SIPA1L3: variants seen among roughly 807,000 people sequenced by gnomAD.
The protein encoded by SIPA1L3 is signal induced proliferation associated 1 like 3, also known as signal-induced proliferation-associated 1-like protein 3.
SIPA1L3 carries 59 observed loss-of-function variants against 150.1 expected under a neutral mutation model. That is an observed-to-expected ratio of 0.39 (90% CI 0.32 to 0.49). The LOEUF is 0.49. SIPA1L3 is among the 20% of genes least tolerant of loss of function. The pLI, the probability that SIPA1L3 is intolerant of heterozygous loss-of-function variation, is 0.86. For missense variants in SIPA1L3, 2,211 were observed against 2,489.5 expected, an observed-to-expected ratio of 0.89 and a Z score of 2.38; for synonymous variants, 1,070 against 1,077.6, an observed-to-expected ratio of 0.99 and a Z score of 0.14.
intron 1 of SIPA1L3, among the ~76,000 whole-genome samples, chr19:37,997,568 T>TAAAAA (rs71177495): frequency 1.2e-5 from 1 of 83,864 alleles, no homozygotes; most frequent in Admixed American, 1.6e-4. Context: ...ACTGTCTCAT[T>TAAAAA]AAAAAAAAAA....
In SIPA1L3 at chr19:38,082,670, A is replaced by T. The variant is rs373283953; in HGVS notation, c.1105A>T (p.Thr369Ser). ...RVSVSQRRNTTTGASAASAAS... is the reference protein window; with the variant it reads ...RVSVSQRRNTSTGASAASAAS... The stretch of plus-strand genomic sequence containing the variant: ...GTCGGTGTCGCAGCGGCGGAACACC[A>T]CCACGGGTGCTTCGGCCGCTTCCGC... The change falls in exon 3 of 22, where the codon ACC becomes TCC. Residue 369 changes from threonine to serine, a missense_variant. Physicochemically the swap from Thr to Ser is moderately conservative, Grantham distance 58 (BLOSUM62 1). Coordinates refer to ENST00000222345, the MANE Select transcript of SIPA1L3 (RefSeq NM_015073.3). The T allele has an allele frequency of 6.3e-5, 102 of 1,608,320 alleles. No individual in the cohort carries two copies. The highest frequency in any genetic ancestry group is 7.9e-5 in the Non-Finnish European group (93 of 1,179,158).
At position 38,106,625 on chromosome 19, in the gene SIPA1L3, C is replaced by T. The variant is rs1970629564; in HGVS notation, c.2118C>T (p.Pro706=). The change falls in exon 7 of 22, where the codon CCC becomes CCT. Residue 706 remains proline, a synonymous_variant. Transcript: ENST00000222345. ...TCTCCACCCTGCTCCCTTACACCCCCAACAACAGGCAGCAGGTCAGTGATT... is the reference window on the plus strand; with the variant it reads ...TCTCCACCCTGCTCCCTTACACCCCTAACAACAGGCAGCAGGTCAGTGATT... ...FHVSTLLPYT[P]NNRQQLLRKR... 1.2e-6 allele frequency: 2 copies of T among 1,611,700 alleles called. No individual in the cohort carries two copies. The highest frequency in any genetic ancestry group is 1.3e-5 in the African/African-American group (1 of 74,882).
In SIPA1L3 at chr19:38,141,265, C is replaced by A; in HGVS notation, c.3225C>A (p.Pro1075=). 6.2e-7 allele frequency: 1 copy of A among 1,613,798 alleles called. No individual in the cohort carries two copies. Among genetic ancestry groups the A allele is most frequent in the Non-Finnish European group, 8.5e-7 (1 of 1,179,874 alleles). ...QESITPGGRP[P]YRSNAPWQWS... ...GCATCACTCCTGGGGGCCGGCCCCC[C>A]TACCGCAGCAATGCTCCCTGGCAGT... Residue 1075 remains proline, a synonymous_variant, in exon 11 of 22, where the codon CCC becomes CCA. Transcript: ENST00000222345.
rs565950529 is a variant in SIPA1L3 at position 38,195,802 on chromosome 19, G to T, written c.4840+2022G>T. Reference sequence around the variant, plus strand: ...ACCACCACAGGCCCCGTCCCCCCCCGCCCCCCCGGGTTTCTCTCACCCCCC... The same window carrying T: ...ACCACCACAGGCCCCGTCCCCCCCCTCCCCCCCGGGTTTCTCTCACCCCCC... On this transcript the variant is annotated intron_variant, in intron 18 of 21. Coordinates refer to ENST00000222345, the MANE Select transcript of SIPA1L3 (RefSeq NM_015073.3). Among the ~76,000 whole-genome samples the T allele has an allele frequency of 3.5e-4, 7 of 20,254 alleles. 1 individual carries two copies. The East Asian group carries it at 5.8e-3, about 17-fold the overall frequency. 13.3% of individuals were successfully genotyped at this position (20,254 alleles called of 152,430 possible). A position where few individuals can be genotyped will look rare whatever the true frequency, so the allele number is the denominator to read the frequency against.
At chr19:38,042,840 C>T (rs1397225681) in intron 2 of SIPA1L3, among the ~76,000 whole-genome samples, 5 of 152,060 alleles carry the variant, frequency 3.3e-5, no homozygotes, top group South Asian at 2.1e-4. Flanking sequence ...TTCATTCATT[C>T]GACATTGATA....
chr19:38,006,505 G>A (rs906629227), intron 1 of SIPA1L3, among the ~76,000 whole-genome samples: 2 of 152,152 alleles, frequency 1.3e-5, no homozygotes, highest in African/African-American at 4.8e-5. Flanking sequence ...CACTGACATG[G>A]GCAGCATCTG....
rs573089072 is a variant in SIPA1L3, at chr19:38,007,590, C to A, written c.-378-21499C>A. On this transcript the variant is annotated intron_variant, in intron 1 of 21. Coordinates refer to ENST00000222345, the MANE Select transcript of SIPA1L3 (RefSeq NM_015073.3). Reference sequence around the variant, plus strand: ...TGCCAGTCAGCCCTGGAGCACTCTTCATTATTTATTATTATTATTATTATT... The same window carrying A: ...TGCCAGTCAGCCCTGGAGCACTCTTAATTATTTATTATTATTATTATTATT... 6.6e-5 allele frequency among the ~76,000 whole-genome samples: 10 copies of A among 151,654 alleles called. No individual in the cohort carries two copies. In the East Asian group the frequency reaches 1.9e-3, roughly 29 times the overall value.
At chr19:38,053,764 C>T (rs1332324594) in intron 2 of SIPA1L3, among the ~76,000 whole-genome samples, 1 of 151,874 alleles carries the variant, frequency 6.6e-6, no homozygotes, top group Non-Finnish European at 1.5e-5. Context: ...CAGGGTCTCA[C>T]TTTCTTGCCC....
chr19:37,974,336 A>G (rs1208905943), intron 1 of SIPA1L3, among the ~76,000 whole-genome samples: 2 of 152,046 alleles, frequency 1.3e-5, no homozygotes, highest in Non-Finnish European at 2.9e-5. Context: ...CCTAGGCAAC[A>G]TGGTGAGATC....
At chr19:38,077,755 C>G (rs543820426) in intron 2 of SIPA1L3, among the ~76,000 whole-genome samples, 1 of 144,698 alleles carries the variant, frequency 6.9e-6, no homozygotes, top group Non-Finnish European at 1.5e-5. Context: ...ACTGCATCCT[C>G]CACCTCCCAG....
chr19:38,092,732 G>C (rs73630884), intron 4 of SIPA1L3, among the ~76,000 whole-genome samples: 2,117 of 152,300 alleles, frequency 0.014, 52 homozygotes, highest in African/African-American at 0.048. Context: ...GTGAGACTGG[G>C]TGTTTGAGGG....
At chr19:38,000,233 G>A (rs529513470) in intron 1 of SIPA1L3, among the ~76,000 whole-genome samples, 4 of 152,068 alleles carry the variant, frequency 2.6e-5, no homozygotes, top group African/African-American at 4.8e-5. Context: ...TTGGGAGGCC[G>A]AGACGGGTGG....
chr19:38,098,489 G>T (rs1178233031), intron 4 of SIPA1L3, among the ~76,000 whole-genome samples: 1 of 150,102 alleles, frequency 6.7e-6, no homozygotes, highest in African/African-American at 2.5e-5. Flanking sequence ...CCGCCTCCCA[G>T]GTTCAAGCAA....
intron 18 of SIPA1L3, 122 bp downstream of exon 18, chr19:38,193,902 G>A: frequency 1.8e-6 from 2 of 1,121,854 alleles, no homozygotes; most frequent in Non-Finnish European, 1.2e-6. Flanking sequence ...GGCCATCTCA[G>A]GGAGGAATGG....
chr19:38,117,648 G>A (rs931127033), intron 8 of SIPA1L3, among the ~76,000 whole-genome samples: 10 of 151,958 alleles, frequency 6.6e-5, no homozygotes, highest in African/African-American at 2.2e-4. Flanking sequence ...TTACCTATGG[G>A]GTCCCTCCTG....
chr19:38,021,785 A>G (rs1292866055), intron 1 of SIPA1L3, among the ~76,000 whole-genome samples: 3 of 152,108 alleles, frequency 2.0e-5, no homozygotes, highest in Non-Finnish European at 4.4e-5. Flanking sequence ...GGCTCAAGCA[A>G]TCTGCCTGCC....
chr19:38,050,380 C>G (rs1408173871), intron 2 of SIPA1L3, among the ~76,000 whole-genome samples: 2 of 151,616 alleles, frequency 1.3e-5, no homozygotes, highest in African/African-American at 4.9e-5. Flanking sequence ...CCCTTGAACC[C>G]AGGAGGCAAA....
chr19:38,010,973 C>G (rs1019706264), intron 1 of SIPA1L3, among the ~76,000 whole-genome samples: 1 of 152,206 alleles, frequency 6.6e-6, no homozygotes, highest in African/African-American at 2.4e-5. Flanking sequence ...ACAGAAACGT[C>G]TCTCCTTACA....
chr19:38,072,038 C>T (rs1969733884), intron 2 of SIPA1L3, among the ~76,000 whole-genome samples: 1 of 152,214 alleles, frequency 6.6e-6, no homozygotes, highest in Non-Finnish European at 1.5e-5. Context: ...TGGCGACACA[C>T]GTTTAAATGA....
Sources: gnomAD v4.1 joint callset for allele counts (sites outside exome capture counted in the v4.1 genomes callset) on GRCh38, gnomAD v4.1.1 for gene constraint, MANE v1.5 for transcripts, NCBI Gene and HGNC (gene_info 2026-07-23, HGNC 2026-07-21) for gene names.